Variants in SMAD6 observed in about 807,000 individuals in gnomAD.
SMAD6 encodes SMAD family member 6.
In SMAD6, 103 loss-of-function variants were observed where a neutral mutation model predicts 39.4. That is an observed-to-expected ratio of 2.62 (90% CI 2.23 to 3.08). SMAD6 has a LOEUF of 3.08. SMAD6 is among the 30% of genes most tolerant of loss of function. The probability of loss-of-function intolerance (pLI) is 0.00; values close to 1 mark genes in which losing one functional copy is unlikely to be tolerated. For missense variants in SMAD6, 1,104 were observed against 742.9 expected, an observed-to-expected ratio of 1.49 and a Z score of -5.65; for synonymous variants, 445 against 353.3, an observed-to-expected ratio of 1.26 and a Z score of -2.91.
At chr15:66,716,249 G>C (rs1405371001) in intron 2 of SMAD6, among the ~76,000 whole-genome samples, 172 bp from the exon 3 acceptor site, 1 of 152,178 alleles carries the variant, frequency 6.6e-6, no homozygotes, top group Non-Finnish European at 1.5e-5. Context: ...CTGGTCTGGG[G>C]TGATCCTGAG....
At chr15:66,766,755 C>T (rs373561100) in intron 3 of SMAD6, among the ~76,000 whole-genome samples, 3 of 152,154 alleles carry the variant, frequency 2.0e-5, no homozygotes, top group Middle Eastern at 3.2e-3. Context: ...AACAGCCCTC[C>T]GGAGGGGGAA....
chr15:66,716,730 T>A (rs1893337785), intron 3 of SMAD6, among the ~76,000 whole-genome samples: 1 of 152,238 alleles, frequency 6.6e-6, no homozygotes, highest in Non-Finnish European at 1.5e-5. Context: ...GTCTACCACG[T>A]TTTAACCAGT....
At chr15:66,769,700 G>C (rs1304148373) in intron 3 of SMAD6, among the ~76,000 whole-genome samples, 1 of 152,110 alleles carries the variant, frequency 6.6e-6, no homozygotes, top group Non-Finnish European at 1.5e-5. Context: ...CTTTATATTA[G>C]GTCCAAGAAG....
At chr15:66,777,165 G>A (rs1292891415) in intron 3 of SMAD6, among the ~76,000 whole-genome samples, 4 of 152,140 alleles carry the variant, frequency 2.6e-5, no homozygotes, top group African/African-American at 9.7e-5. Flanking sequence ...GCGGATACTC[G>A]AGCTCTGACG....
At chr15:66,723,421 C>G (rs1397997915) in intron 3 of SMAD6, among the ~76,000 whole-genome samples, 1 of 152,152 alleles carries the variant, frequency 6.6e-6, no homozygotes, top group Non-Finnish European at 1.5e-5. Context: ...GGTGTGGTGG[C>G]TTGTGCCTGT....
chr15:66,729,349 A>G (rs1047986481), intron 3 of SMAD6, among the ~76,000 whole-genome samples: 4 of 152,234 alleles, frequency 2.6e-5, no homozygotes, highest in Non-Finnish European at 4.4e-5. Flanking sequence ...AAAAGAGTGA[A>G]AGGAAACTAA....
In SMAD6 at chr15:66,775,660, A is replaced by G. The variant is rs555951236; in HGVS notation, c.953-5337A>G. Reference sequence around the variant, plus strand: ...AGCAGGACCCAGAGTCTGGCTGGGAACTAGGCCAGGCCCTGAGCAGGGGGT... The same window carrying G: ...AGCAGGACCCAGAGTCTGGCTGGGAGCTAGGCCAGGCCCTGAGCAGGGGGT... On this transcript the variant is annotated intron_variant, in intron 3 of 3. Transcript: ENST00000288840. Among the ~76,000 whole-genome samples, 44 of 152,284 alleles carry G rather than the reference A, an allele frequency of 2.9e-4. No individual in the cohort carries two copies. In the Middle Eastern group the frequency reaches 0.014, roughly 47 times the overall value.
chr15:66,710,109 A>G (rs1006423908), intron 1 of SMAD6, among the ~76,000 whole-genome samples: 3 of 152,208 alleles, frequency 2.0e-5, no homozygotes, highest in Non-Finnish European at 4.4e-5. Context: ...CTGGAATCCC[A>G]GCTCCACCAT....
chr15:66,705,970 G>A (rs77005627), intron 1 of SMAD6: 2,209 of 151,938 alleles, frequency 0.015, 47 homozygotes, highest in African/African-American at 0.052. Flanking sequence ...GAGTCAAGGT[G>A]CCAGGCACGT....
rs1270032729 is a variant in SMAD6, at chr15:66,703,686, A to AC, written c.433dup (p.Leu145ProfsTer158). Reference sequence around the variant, plus strand: ...GCCGGCGCGCCCCGGGACGCCAGCGACCCCCTGGCCGGGGCGGCCCTGGAG... The same window carrying AC: ...GCCGGCGCGCCCCGGGACGCCAGCGACCCCCCTGGCCGGGGCGGCCCTGGAG... On this transcript the variant is annotated frameshift_variant, in exon 1 of 4. Coordinates refer to ENST00000288840, the MANE Select transcript of SMAD6 (RefSeq NM_005585.5). LOFTEE classifies it high-confidence loss of function. The AC allele has an allele frequency of 2.4e-6, 3 of 1,237,468 alleles. No individual in the cohort carries two copies. Among genetic ancestry groups the AC allele is most frequent in the Non-Finnish European group, 3.0e-6 (3 of 989,902 alleles). The allele number at this position is 1,237,468 out of a possible 1,614,324, so 76.7% of individuals were successfully genotyped here.
At chr15:66,754,648 CAG>C in intron 3 of SMAD6, among the ~76,000 whole-genome samples, 1 of 152,148 alleles carries the variant, frequency 6.6e-6, no homozygotes, top group Non-Finnish European at 1.5e-5. Flanking sequence ...CTGTTCAGCA[CAG>C]AGTTGGGCAT....
In SMAD6 at chr15:66,782,221, C is replaced by T. The variant is rs554636566; in HGVS notation, c.*686C>T. Reference sequence around the variant, plus strand: ...TGGGGTGTCCAGTGGATAGGGATGGCGGTGGGGAAAAGAATACACTGGCCA... The same window carrying T: ...TGGGGTGTCCAGTGGATAGGGATGGTGGTGGGGAAAAGAATACACTGGCCA... On this transcript the variant is annotated 3_prime_UTR_variant, in exon 4 of 4. Coordinates refer to ENST00000288840, the MANE Select transcript of SMAD6 (RefSeq NM_005585.5). 1.2e-3 allele frequency: 220 copies of T among 180,048 alleles called. No individual in the cohort carries two copies. In the African/African-American group the frequency reaches 0.013, roughly 10 times the overall value. The allele number at this position is 180,048 out of a possible 1,614,324, so 11.2% of individuals were successfully genotyped here.
chr15:66,717,124 T>C, intron 3 of SMAD6: 2 of 1,288,414 alleles, frequency 1.6e-6, no homozygotes, highest in Non-Finnish European at 2.0e-6. Flanking sequence ...AATCAAACTT[T>C]CCTTGAGAAA....
chr15:66,745,349 G>T (rs1893888098), intron 3 of SMAD6, among the ~76,000 whole-genome samples: 2 of 151,622 alleles, frequency 1.3e-5, no homozygotes, highest in African/African-American at 4.8e-5. Flanking sequence ...ACCCCAGCTG[G>T]CATGTCTTCT....
At chr15:66,739,113 C>T (rs1481893524) in intron 3 of SMAD6, among the ~76,000 whole-genome samples, 5 of 139,182 alleles carry the variant, frequency 3.6e-5, no homozygotes, top group African/African-American at 1.1e-4. Context: ...TTTATTGAGA[C>T]GGAGTCTTGC....
intron 3 of SMAD6, among the ~76,000 whole-genome samples, chr15:66,751,813 C>T (rs376525902): frequency 2.0e-5 from 3 of 152,206 alleles, no homozygotes; most frequent in Non-Finnish European, 4.4e-5. Context: ...GGGACTTTGG[C>T]GATCAGCCAG....
chr15:66,779,046 C>T (rs1250725780), intron 3 of SMAD6, among the ~76,000 whole-genome samples: 1 of 152,174 alleles, frequency 6.6e-6, no homozygotes. Context: ...TTTTCTGGCC[C>T]TTGGGGACTC....
At chr15:66,744,647 CT>C (rs1351264867) in intron 3 of SMAD6, among the ~76,000 whole-genome samples, 6 of 152,254 alleles carry the variant, frequency 3.9e-5, no homozygotes, top group African/African-American at 1.4e-4. Context: ...GCTACACCCC[CT>C]AAGCCTAGAG....
Position 66,703,613 on chromosome 15 carries a change from A to AGTGACTGCGAGACG in SMAD6, c.361_374dup (p.Cys126AlafsTer4). 1.6e-6 allele frequency: 2 copies of AGTGACTGCGAGACG among 1,229,474 alleles called. No individual in the cohort carries two copies. The highest frequency in any genetic ancestry group is 2.0e-6 in the Non-Finnish European group (2 of 983,508). 76.2% of individuals were successfully genotyped at this position (1,229,474 alleles called of 1,614,324 possible). A position where few individuals can be genotyped will look rare whatever the true frequency, so the allele number is the denominator to read the frequency against. On this transcript the variant is annotated frameshift_variant, in exon 1 of 4. Transcript: ENST00000288840. LOFTEE classifies it high-confidence loss of function. The stretch of plus-strand genomic sequence containing the variant: ...GGGAGGCCCGGGCTGGCTGCCCGAG[A>AGTGACTGCGAGACG]GTGACTGCGAGACGGTGACCTGCTG...
Sources: allele counts gnomAD v4.1 joint callset (sites outside exome capture counted in the v4.1 genomes callset), GRCh38; gene constraint gnomAD v4.1.1; transcripts MANE v1.5; gene names NCBI Gene and HGNC (gene_info 2026-07-23, HGNC 2026-07-21).